DOCK10: variants seen among roughly 807,000 people sequenced by gnomAD.
DOCK10 encodes the protein dedicator of cytokinesis protein 10.
In DOCK10, 145 loss-of-function variants were observed where a neutral mutation model predicts 280.1. That is an observed-to-expected ratio of 0.52 (90% confidence interval 0.45 to 0.59). The LOEUF is 0.59. Among genes scored for constraint, DOCK10 ranks in the 20% least tolerant of loss-of-function variants. The pLI is 0.00. For synonymous variants in DOCK10, 915 were observed against 942.2 expected, an observed-to-expected ratio of 0.97 and a Z score of 0.53; for missense variants, 2,368 against 2,651.7, an observed-to-expected ratio of 0.89 and a Z score of 2.35.
intron 32 of DOCK10, 31 bp from the exon 33 acceptor site, chr2:224,807,815 T>C: frequency 6.4e-7 from 1 of 1,566,144 alleles, no homozygotes; most frequent in Admixed American, 1.9e-5. Context: ...AAGAAATGAT[T>C]CATGTAAAAA....
chr2:224,799,349 T>C (rs958454722), intron 41 of DOCK10, among the ~76,000 whole-genome samples: 1 of 152,272 alleles, frequency 6.6e-6, no homozygotes, highest in Non-Finnish European at 1.5e-5. Context: ...TTATTTCTTT[T>C]AACTGCTGAG....
At chr2:224,936,058 C>T (rs1246086324) in intron 1 of DOCK10, among the ~76,000 whole-genome samples, 2 of 152,148 alleles carry the variant, frequency 1.3e-5, no homozygotes, top group African/African-American at 4.8e-5. Flanking sequence ...CTGTTCCAAA[C>T]AGTGTATCTC....
chr2:224,811,883 C>T (rs1269763165), intron 31 of DOCK10, among the ~76,000 whole-genome samples: 1 of 152,066 alleles, frequency 6.6e-6, no homozygotes, highest in African/African-American at 2.4e-5. Context: ...GTTTTGGTTA[C>T]TGTAGCCTTG....
At chr2:224,792,601 A>G (rs1420777209) in intron 47 of DOCK10, among the ~76,000 whole-genome samples, 1 of 152,174 alleles carries the variant, frequency 6.6e-6, no homozygotes, top group African/African-American at 2.4e-5. Flanking sequence ...TATTTGGAAT[A>G]AACAGTTTTA....
At chr2:224,788,985 T>TC in intron 48 of DOCK10, 79 bp downstream of exon 48, 2 of 815,906 alleles carry the variant, frequency 2.5e-6, no homozygotes, top group Non-Finnish European at 4.0e-6. Flanking sequence ...TAAGCTTGTT[T>TC]CCCCCTTATT....
chr2:224,952,602 T>A (rs1455413054), intron 1 of DOCK10, among the ~76,000 whole-genome samples: 2 of 151,516 alleles, frequency 1.3e-5, no homozygotes, highest in Non-Finnish European at 2.9e-5. Context: ...ATTTTTTTTT[T>A]TTTTTTTTGA....
chr2:224,817,867 T>C (rs1268776883), intron 29 of DOCK10, among the ~76,000 whole-genome samples: 1 of 152,242 alleles, frequency 6.6e-6, no homozygotes, highest in Non-Finnish European at 1.5e-5. Context: ...TGTAAGAATC[T>C]CATGATTTAT....
At chr2:224,812,290 C>T (rs1693835481) in intron 31 of DOCK10, among the ~76,000 whole-genome samples, 1 of 152,116 alleles carries the variant, frequency 6.6e-6, no homozygotes, top group Non-Finnish European at 1.5e-5. Flanking sequence ...CTCTGTTTGT[C>T]TGTTCTTGGT....
rs533521614 is a variant in DOCK10 at position 224,805,077 on chromosome 2, C to T, written c.4099G>A (p.Asp1367Asn). 11 of 1,609,996 alleles carry T rather than the reference C, an allele frequency of 6.8e-6. No individual in the cohort carries two copies. Among genetic ancestry groups the T allele is most frequent in the Non-Finnish European group, 9.3e-6 (11 of 1,178,234 alleles). ...WQRAPSPEVSDFFSILDVCLQ... is the reference protein window; with the variant it reads ...WQRAPSPEVSNFFSILDVCLQ... ...ACTTACTCCAAGATGCTGAAGAAGTCGGACACCTCTGGGCTGGGAGCTCTC... is the reference window on the plus strand; with the variant it reads ...ACTTACTCCAAGATGCTGAAGAAGTTGGACACCTCTGGGCTGGGAGCTCTC... The change falls in exon 37 of 56, where the codon GAC becomes AAC. Residue 1367 changes from aspartate to asparagine, a missense_variant. Physicochemically the swap from Asp to Asn is conservative, Grantham distance 23 (BLOSUM62 1). Around this residue, in one of 2 missense-constraint regions of DOCK10, gnomAD observed 1,159 missense variants for 1,400.8 expected, o/e 0.83. Transcript: ENST00000258390. This position sits in a 1 kb window ranked among gnomAD's most constrained non-coding sequence, Gnocchi z 4.3.
intron 1 of DOCK10, among the ~76,000 whole-genome samples, chr2:224,955,813 T>C (rs1704003966): frequency 1.3e-5 from 2 of 152,230 alleles, no homozygotes; most frequent in African/African-American, 4.8e-5. Flanking sequence ...AACCTCTGGG[T>C]ATGTGTTCTG....
At chr2:224,792,046 A>G (rs570500283) in intron 47 of DOCK10, among the ~76,000 whole-genome samples, 8 of 152,326 alleles carry the variant, frequency 5.3e-5, no homozygotes, top group African/African-American at 1.9e-4. Flanking sequence ...AATTTTTGCA[A>G]TTGAATGTAG....
At chr2:224,980,202 T>C (rs900743782) in intron 1 of DOCK10, among the ~76,000 whole-genome samples, 1 of 152,182 alleles carries the variant, frequency 6.6e-6, no homozygotes. Flanking sequence ...CTGGGAGTGC[T>C]TGCTACAAGA....
At chr2:224,903,265 T>C (rs925250918) in intron 3 of DOCK10, among the ~76,000 whole-genome samples, 3 of 152,236 alleles carry the variant, frequency 2.0e-5, no homozygotes, top group Non-Finnish European at 4.4e-5. Flanking sequence ...TTTAACTGAT[T>C]CTGGTTTTTA....
chr2:224,922,458 T>TGAG (rs1701817046), intron 2 of DOCK10, among the ~76,000 whole-genome samples: 2 of 152,226 alleles, frequency 1.3e-5, no homozygotes, highest in Non-Finnish European at 2.9e-5. Flanking sequence ...TCAGCTGAGC[T>TGAG]TCTCCTTTGG....
rs749764750 is a variant in DOCK10, at chr2:224,787,150, G to T, written c.5542-15C>A. The T allele has an allele frequency of 3.1e-6, 5 of 1,609,450 alleles. No homozygotes were observed. Among genetic ancestry groups the T allele is most frequent in the Non-Finnish European group, 4.3e-6 (5 of 1,175,756 alleles). On this transcript the variant is annotated splice_polypyrimidine_tract_variant and intron_variant, in intron 49 of 55. Transcript: ENST00000258390. ...TCTGACAATTTCTGAAACCATAAGTGAAAGAGTTTCATGAAGATGATGCTG... is the reference window on the plus strand; with the variant it reads ...TCTGACAATTTCTGAAACCATAAGTTAAAGAGTTTCATGAAGATGATGCTG...
intron 26 of DOCK10, among the ~76,000 whole-genome samples, chr2:224,833,949 G>A (rs889049616): frequency 2.0e-5 from 3 of 152,050 alleles, no homozygotes; most frequent in Non-Finnish European, 2.9e-5. Flanking sequence ...ACTGCACCTG[G>A]CCCACTCTAC....
At chr2:224,937,888 A>G (rs961122202) in intron 1 of DOCK10, among the ~76,000 whole-genome samples, 1 of 152,178 alleles carries the variant, frequency 6.6e-6, no homozygotes, top group African/African-American at 2.4e-5. Context: ...ATCTTTCTGC[A>G]GCTCTGACCT....
At chr2:224,839,116 T>TC (rs1474058607) in intron 24 of DOCK10, among the ~76,000 whole-genome samples, 2 of 152,142 alleles carry the variant, frequency 1.3e-5, no homozygotes, top group Non-Finnish European at 2.9e-5. Flanking sequence ...TCTTGCTCTT[T>TC]CACCCAGGCT....
At chr2:224,828,219 C>A (rs781100053) in intron 27 of DOCK10, among the ~76,000 whole-genome samples, 1 of 152,102 alleles carries the variant, frequency 6.6e-6, no homozygotes, top group Admixed American at 6.5e-5. Context: ...TCATGTACCA[C>A]CAGGAGGTAG....
Sources: allele counts gnomAD v4.1 joint callset (sites outside exome capture counted in the v4.1 genomes callset), GRCh38; gene constraint gnomAD v4.1.1; regional missense constraint gnomAD v4.1.1; non-coding constraint Gnocchi (gnomAD v3.1); transcripts MANE v1.5; gene names NCBI Gene and HGNC (gene_info 2026-07-23, HGNC 2026-07-21).